LHPP: variants seen among roughly 807,000 people sequenced by gnomAD.
LHPP encodes hLHPP.
In LHPP, 24 loss-of-function variants were observed where a neutral mutation model predicts 30.3. The ratio of observed to expected loss-of-function variants is 0.79; its 90% CI spans 0.57 to 1.11. The LOEUF (loss-of-function observed/expected upper bound fraction) is 1.11. LHPP is among the 50% of genes most tolerant of loss of function. The pLI is 0.00. For missense variants in LHPP, 356 were observed against 367.2 expected, an observed-to-expected ratio of 0.97 and a Z score of 0.25; for synonymous variants, 150 against 157.1, an observed-to-expected ratio of 0.95 and a Z score of 0.34.
At chr10:124,501,587 G>A (rs1349124860) in intron 5 of LHPP, among the ~76,000 whole-genome samples, 2 of 144,228 alleles carry the variant, frequency 1.4e-5, no homozygotes, top group African/African-American at 5.4e-5. Flanking sequence ...GGGCGACAGA[G>A]CCAGACTCTG....
At chr10:124,585,373 G>A (rs1335094951) in intron 6 of LHPP, among the ~76,000 whole-genome samples, 1 of 152,062 alleles carries the variant, frequency 6.6e-6, no homozygotes, top group African/African-American at 2.4e-5. Flanking sequence ...CCAGCAGTTT[G>A]GGAGGCCGAG....
intron 3 of LHPP, among the ~76,000 whole-genome samples, chr10:124,492,440 G>T (rs1225219419): frequency 1.3e-5 from 2 of 152,172 alleles, no homozygotes; most frequent in Non-Finnish European, 2.9e-5. Context: ...GCAGGCTAGG[G>T]ACTCAGGAAT....
At chr10:124,552,073 G>T (rs1948178711) in intron 6 of LHPP, among the ~76,000 whole-genome samples, 2 of 152,162 alleles carry the variant, frequency 1.3e-5, no homozygotes, top group African/African-American at 4.8e-5. Flanking sequence ...ATTCCTGCTT[G>T]TCAGAAGAGG....
intron 6 of LHPP, among the ~76,000 whole-genome samples, chr10:124,609,869 C>T (rs1480882116): frequency 6.6e-6 from 1 of 152,236 alleles, no homozygotes; most frequent in African/African-American, 2.4e-5. Context: ...GCAATTCTGC[C>T]GTGGTCTGTT....
At chr10:124,572,524 G>A (rs374660671) in intron 6 of LHPP, among the ~76,000 whole-genome samples, 5 of 151,920 alleles carry the variant, frequency 3.3e-5, no homozygotes, top group South Asian at 2.1e-4. Context: ...CCAGCTGCTC[G>A]GGAGGCTGAG....
intron 5 of LHPP, among the ~76,000 whole-genome samples, chr10:124,502,048 T>C (rs910341248): frequency 6.6e-6 from 1 of 152,034 alleles, no homozygotes; most frequent in Non-Finnish European, 1.5e-5. Context: ...TAAAATTGTT[T>C]TCAACTTTTC....
intron 6 of LHPP, among the ~76,000 whole-genome samples, chr10:124,611,910 T>C (rs1306701567): frequency 1.3e-5 from 2 of 152,212 alleles, no homozygotes; most frequent in South Asian, 2.1e-4. Flanking sequence ...CTCAGGGAGC[T>C]TGGGCCAGGC....
intron 2 of LHPP, among the ~76,000 whole-genome samples, chr10:124,486,618 A>G (rs2361626): frequency 0.98 from 149,621 of 152,390 alleles, 73,498 homozygotes; most frequent in Non-Finnish European, 1. Flanking sequence ...GTGACAACAC[A>G]TGGGAAGCAT....
At chr10:124,574,340 C>A (rs544630555) in intron 6 of LHPP, among the ~76,000 whole-genome samples, 1 of 152,192 alleles carries the variant, frequency 6.6e-6, no homozygotes, top group East Asian at 1.9e-4. Context: ...TGCGAGGGCG[C>A]GCACGGATTC....
At chr10:124,498,298 G>A (rs1190743301) in intron 5 of LHPP, 170 bp downstream of exon 5, 9 of 1,576,770 alleles carry the variant, frequency 5.7e-6, no homozygotes, top group Non-Finnish European at 7.8e-6. Flanking sequence ...GACAGCAAAC[G>A]AAATCCACTG....
chr10:124,608,843 T>C (rs1337528802), intron 6 of LHPP, among the ~76,000 whole-genome samples: 3 of 152,200 alleles, frequency 2.0e-5, no homozygotes, highest in African/African-American at 7.2e-5. Flanking sequence ...AAGGGGACCT[T>C]GGACCCCTGC....
intron 6 of LHPP, among the ~76,000 whole-genome samples, chr10:124,606,279 G>GT (rs1472190441): frequency 2.6e-5 from 4 of 151,858 alleles, no homozygotes; most frequent in South Asian, 2.1e-4. Flanking sequence ...ACCATTCTCG[G>GT]GGGGACAGCA....
chr10:124,566,617 A>C (rs918376137), intron 6 of LHPP, among the ~76,000 whole-genome samples: 5 of 152,022 alleles, frequency 3.3e-5, no homozygotes, highest in African/African-American at 7.2e-5. Flanking sequence ...CAGCACCCCT[A>C]CCCCATCCCG....
intron 1 of LHPP, among the ~76,000 whole-genome samples, chr10:124,482,954 A>T (rs985174744): frequency 6.6e-6 from 1 of 152,078 alleles, no homozygotes; most frequent in African/African-American, 2.4e-5. Flanking sequence ...CATGCTCACG[A>T]CTACAGCTCT....
chr10:124,505,016 T>C (rs1954022614), intron 5 of LHPP, among the ~76,000 whole-genome samples: 1 of 152,112 alleles, frequency 6.6e-6, no homozygotes, highest in Admixed American at 6.5e-5. Flanking sequence ...AAAGACTTGT[T>C]TCCTCTGGTG....
At chr10:124,483,475 AGTGGCCAGGCAG>A (rs1354137914) in intron 1 of LHPP, among the ~76,000 whole-genome samples, 2 of 152,128 alleles carry the variant, frequency 1.3e-5, no homozygotes, top group African/African-American at 2.4e-5. Flanking sequence ...GCTGGGTAGA[AGTGGCCAGGCAG>A]GTGGGCCAGG....
intron 6 of LHPP, among the ~76,000 whole-genome samples, chr10:124,561,052 G>A (rs892430007): frequency 5.9e-5 from 9 of 152,180 alleles, no homozygotes; most frequent in Non-Finnish European, 1.2e-4. Context: ...ATCAGTGGAG[G>A]GGTGAATTCC....
intron 6 of LHPP, among the ~76,000 whole-genome samples, chr10:124,546,623 G>GAT (rs1234010982): frequency 2.0e-5 from 3 of 151,958 alleles, no homozygotes; most frequent in Non-Finnish European, 4.4e-5. Context: ...TGTTAGCCAG[G>GAT]ATGGTCTTGA....
chr10:124,541,542 C>T lies in LHPP; in HGVS notation c.716+24271C>T, dbSNP rs377712278. On this transcript the variant is annotated intron_variant, in intron 6 of 6. Coordinates refer to ENST00000368842, the MANE Select transcript of LHPP (RefSeq NM_022126.4). This position sits in a 1 kb window ranked among gnomAD's most constrained non-coding sequence, Gnocchi z 4.2. ...GGCGTTTGGTGTCCCTAGCATATCTCGAATGGCAGGCTGAGGCTCGAAAGT... is the reference window on the plus strand; with the variant it reads ...GGCGTTTGGTGTCCCTAGCATATCTTGAATGGCAGGCTGAGGCTCGAAAGT... Among the ~76,000 whole-genome samples the T allele has an allele frequency of 6.6e-6, 1 of 152,058 alleles. No individual in the cohort carries two copies. The highest frequency in any genetic ancestry group is 1.5e-5 in the Non-Finnish European group (1 of 68,000).
Sources: allele counts gnomAD v4.1 joint callset (sites outside exome capture counted in the v4.1 genomes callset), GRCh38; gene constraint gnomAD v4.1.1; non-coding constraint Gnocchi (gnomAD v3.1); transcripts MANE v1.5; gene names NCBI Gene and HGNC (gene_info 2026-07-23, HGNC 2026-07-21).